Variants in SLC16A1 observed in about 807,000 individuals in gnomAD.
SLC16A1 encodes the protein solute carrier family 16 member 1.
In SLC16A1, 11 loss-of-function variants were observed where a neutral mutation model predicts 32.2. The observed-to-expected ratio is 0.34, with a 90% confidence interval of 0.21 to 0.56. The LOEUF is 0.56. Among genes scored for constraint, SLC16A1 ranks in the 20% least tolerant of loss-of-function variants. The probability of loss-of-function intolerance (pLI) is 0.87; values close to 1 mark genes in which losing one functional copy is unlikely to be tolerated. For missense variants in SLC16A1, 435 were observed against 615.0 expected (o/e 0.71, Z 3.10); for synonymous variants, 231 against 226.8 (o/e 1.02, Z -0.17).
chr1:112,941,652 A>G (rs540232800), intron 1 of SLC16A1, among the ~76,000 whole-genome samples: 4 of 152,332 alleles, frequency 2.6e-5, no homozygotes, highest in Admixed American at 2.0e-4. Flanking sequence ...AAATTTGTCC[A>G]AAGTTTTTCC....
rs756975558 is a variant in SLC16A1, at chr1:112,917,695, G to A, written c.711C>T (p.His237=). The change falls in exon 4 of 5, where the codon CAC becomes CAT. Residue 237 remains histidine (H), a synonymous_variant. Coordinates refer to ENST00000369626, the MANE Select transcript of SLC16A1 (RefSeq NM_003051.4). This position sits in a 1 kb window ranked among gnomAD's most constrained non-coding sequence, Gnocchi z 4.1. ...AGACTGATCGTTTCTCTTGTTTAGG[G>A]TGTCTTCCAATAAGATCTGTATTTG... is the stretch of plus-strand genomic sequence containing the variant. ...HDANTDLIGR[H]PKQEKRSVFQ... 77 of 1,614,070 alleles carry A rather than the reference G, an allele frequency of 4.8e-5. No individual in the cohort carries two copies. Among genetic ancestry groups the A allele is most frequent in the Non-Finnish European group, 6.4e-5 (75 of 1,180,046 alleles).
intron 1 of SLC16A1, among the ~76,000 whole-genome samples, chr1:112,934,786 GAATTA>G (rs1323309248): frequency 6.6e-6 from 1 of 152,160 alleles, no homozygotes; most frequent in Non-Finnish European, 1.5e-5. Context: ...GCTTGGCAGG[GAATTA>G]TCTGTAGAAT....
Position 112,929,093 on chromosome 1 carries a change from T to C in SLC16A1, c.216A>G (p.Gly72=). The stretch of plus-strand genomic sequence containing the variant: ...GAGCAGGCCTTAATGGGTACTTACC[T>C]CCACCATACATGACAGCCAACATTA... ...SSIMLAVMYG[G]GPISSILVNK... is the part of the protein sequence containing the mutation. The change falls in exon 2 of 5, where the codon GGA becomes GGG. Residue 72 remains glycine, a splice_region_variant and synonymous_variant. Coordinates refer to ENST00000369626, the MANE Select transcript of SLC16A1 (RefSeq NM_003051.4). The C allele has an allele frequency of 1.2e-6, 2 of 1,612,432 alleles. No individual in the cohort carries two copies. The highest frequency in any genetic ancestry group is 1.7e-6 in the Non-Finnish European group (2 of 1,178,786).
intron 2 of SLC16A1, 178 bp downstream of exon 2, chr1:112,928,914 A>G: frequency 3.2e-6 from 2 of 617,004 alleles, no homozygotes; most frequent in South Asian, 4.0e-5. Context: ...AGTATACTAT[A>G]GCAAGAGTTG....
intron 2 of SLC16A1, among the ~76,000 whole-genome samples, chr1:112,923,094 TG>T (rs2101627380): frequency 6.6e-6 from 1 of 151,704 alleles, no homozygotes; most frequent in South Asian, 2.1e-4. Context: ...GGGAGGTGGA[TG>T]GATCACCTGA....
At chr1:112,933,701 AATCTAATACAT>A (rs1649212694) in intron 1 of SLC16A1, among the ~76,000 whole-genome samples, 1 of 152,196 alleles carries the variant, frequency 6.6e-6, no homozygotes, top group Non-Finnish European at 1.5e-5. Context: ...TTAAAATCAC[AATCTAATACAT>A]ACCTACTAAA....
intron 1 of SLC16A1, among the ~76,000 whole-genome samples, chr1:112,932,265 T>C (rs1380883324): frequency 1.3e-5 from 2 of 152,210 alleles, no homozygotes; most frequent in East Asian, 3.9e-4. Flanking sequence ...CCAGGTGCAG[T>C]GGCTCACACT....
At chr1:112,914,594 A>T (rs528736208) in intron 4 of SLC16A1, among the ~76,000 whole-genome samples, 99 of 152,332 alleles carry the variant, frequency 6.5e-4, no homozygotes, top group Non-Finnish European at 1.0e-3. Context: ...ACACTTGTCC[A>T]GTGCTAAAAA....
chr1:112,936,415 G>A (rs1222161633), intron 1 of SLC16A1, among the ~76,000 whole-genome samples: 1 of 146,842 alleles, frequency 6.8e-6, no homozygotes, highest in Non-Finnish European at 1.5e-5. Context: ...GGCTGAGGCA[G>A]GAGAATTGCT....
chr1:112,930,765 C>T (rs908480705), intron 1 of SLC16A1, among the ~76,000 whole-genome samples: 1 of 149,546 alleles, frequency 6.7e-6, no homozygotes, highest in African/African-American at 2.5e-5. Flanking sequence ...CACTCTGTCG[C>T]CCGGGCTGGA....
intron 1 of SLC16A1, among the ~76,000 whole-genome samples, chr1:112,940,028 C>T (rs2101643933): frequency 6.8e-6 from 1 of 147,884 alleles, no homozygotes; most frequent in African/African-American, 2.5e-5. Context: ...TACACCAAAA[C>T]CTGATGGGTG....
chr1:112,941,816 G>A (rs193072273), intron 1 of SLC16A1, among the ~76,000 whole-genome samples: 152 of 152,280 alleles, frequency 1.0e-3, no homozygotes, highest in African/African-American at 3.3e-3. Context: ...TTTGTGATAC[G>A]TGATGAAATG....
chr1:112,917,223 T>C lies in SLC16A1; in HGVS notation c.1183A>G (p.Thr395Ala). The C allele has an allele frequency of 6.2e-7, 1 of 1,614,130 alleles. No homozygotes were observed. Among genetic ancestry groups the C allele is most frequent in the Non-Finnish European group, 8.5e-7 (1 of 1,180,012 alleles). Residue 395 changes from threonine (T) to alanine (A), a missense_variant, in exon 4 of 5, where the codon ACC (threonine) becomes GCC (alanine). Physicochemically the swap from Thr to Ala is moderately conservative, Grantham distance 58 (BLOSUM62 0). Transcript: ENST00000369626. The surrounding 1 kb of genome is among the most constrained non-coding windows in gnomAD (Gnocchi z 4.1). ...QRFSSAVGLVTIVECCPVLLG... is the reference protein window; with the variant it reads ...QRFSSAVGLVAIVECCPVLLG... ...AGGACAGGACAGCATTCCACAATGG[T>C]CACCAATCCCACAGCGCTGGAGAAC...
At position 112,913,984 on chromosome 1, in the gene SLC16A1, A is replaced by C. The variant is rs757714728; in HGVS notation, c.1410T>G (p.Val470=). The C allele has an allele frequency of 9.3e-6, 15 of 1,614,074 alleles. No individual in the cohort carries two copies. Among genetic ancestry groups the C allele is most frequent in the Middle Eastern group, 1.6e-4 (1 of 6,084 alleles). The change falls in exon 5 of 5, where the codon GTT becomes GTG. Residue 470 remains valine (V), a synonymous_variant. Coordinates refer to ENST00000369626, the MANE Select transcript of SLC16A1 (RefSeq NM_003051.4). The part of the protein sequence containing the change: ...ESKEEETSID[V]AGKPNEVTKA... ...TGGTAACTTCATTTGGCTTCCCAGC[A>C]ACATCTATACTGGTCTCTTCCTCTT...
At chr1:112,927,694 A>C (rs750043832) in intron 2 of SLC16A1, among the ~76,000 whole-genome samples, 17 of 152,236 alleles carry the variant, frequency 1.1e-4, no homozygotes, top group Non-Finnish European at 1.9e-4. Flanking sequence ...ACTCAAAAAA[A>C]TGTGCTAGTT....
chr1:112,945,931 A>G (rs1649690399), intron 1 of SLC16A1, among the ~76,000 whole-genome samples: 1 of 151,792 alleles, frequency 6.6e-6, no homozygotes, highest in South Asian at 2.1e-4. Flanking sequence ...GCGGAGATTG[A>G]GGTGAGCCAA....
At chr1:112,937,439 A>T (rs1323417111) in intron 1 of SLC16A1, among the ~76,000 whole-genome samples, 2 of 152,192 alleles carry the variant, frequency 1.3e-5, no homozygotes, top group African/African-American at 4.8e-5. Context: ...GAAAAACAGA[A>T]CACTTCAAAA....
intron 1 of SLC16A1, among the ~76,000 whole-genome samples, chr1:112,950,731 T>C (rs535043028): frequency 6.6e-6 from 1 of 152,346 alleles, no homozygotes; most frequent in East Asian, 1.9e-4. Flanking sequence ...GTGAGGTAGC[T>C]CACACCTGTA....
intron 4 of SLC16A1, among the ~76,000 whole-genome samples, chr1:112,915,499 T>C (rs1403298067): frequency 6.6e-6 from 1 of 152,050 alleles, no homozygotes; most frequent in Non-Finnish European, 1.5e-5. Context: ...CAAGCCACAT[T>C]AGGGAATTTG....
Sources: allele counts gnomAD v4.1 joint callset (sites outside exome capture counted in the v4.1 genomes callset), GRCh38; gene constraint gnomAD v4.1.1; non-coding constraint Gnocchi (gnomAD v3.1); transcripts MANE v1.5; gene names NCBI Gene and HGNC (gene_info 2026-07-23, HGNC 2026-07-21).